The following TMEM117 variants were observed in gnomAD, a reference collection of about 807,000 sequenced individuals.
TMEM117 encodes the protein transmembrane protein 117.
Under a neutral mutation model 52.4 loss-of-function variants are expected in TMEM117, and 27 were observed. The ratio of observed to expected loss-of-function variants is 0.51; its 90% confidence interval spans 0.38 to 0.71. TMEM117 has a LOEUF of 0.71. Ranked by LOEUF, TMEM117 falls within the 30% of genes least tolerant of loss-of-function variation. TMEM117 has a pLI of 0.00. For missense variants in TMEM117, 556 were observed against 630.5 expected, an observed-to-expected ratio of 0.88 and a Z score of 1.26; for synonymous variants, 215 against 206.3, an observed-to-expected ratio of 1.04 and a Z score of -0.36.
intron 5 of TMEM117, among the ~76,000 whole-genome samples, chr12:44,222,792 T>A (rs1949806004): frequency 6.6e-6 from 1 of 152,138 alleles, no homozygotes; most frequent in African/African-American, 2.4e-5. Context: ...CAAGGAATAA[T>A]GTATTGGCTT....
At chr12:44,276,506 T>A (rs1395425485) in intron 5 of TMEM117, among the ~76,000 whole-genome samples, 3 of 151,984 alleles carry the variant, frequency 2.0e-5, no homozygotes, top group African/African-American at 7.3e-5. Flanking sequence ...ACTGGGGAGA[T>A]GTTGGTCAAA....
chr12:44,070,141 T>G (rs1947279943), intron 3 of TMEM117, among the ~76,000 whole-genome samples: 2 of 152,214 alleles, frequency 1.3e-5, no homozygotes, highest in South Asian at 4.1e-4. Flanking sequence ...TCCACCTACC[T>G]TGGCCTCCCA....
intron 3 of TMEM117, chr12:44,009,077 G>C (rs1946248367): frequency 2.7e-6 from 1 of 365,714 alleles, no homozygotes; most frequent in African/African-American, 2.2e-5. Context: ...CTCCTGTGTG[G>C]TGTTTCCCAT....
At chr12:44,049,198 A>C (rs1312737328) in intron 3 of TMEM117, among the ~76,000 whole-genome samples, 1 of 152,224 alleles carries the variant, frequency 6.6e-6, no homozygotes, top group African/African-American at 2.4e-5. Context: ...GATAAAGCAA[A>C]TATGGTACAT....
At chr12:44,348,139 A>C (rs1285042048) in intron 6 of TMEM117, among the ~76,000 whole-genome samples, 1 of 152,050 alleles carries the variant, frequency 6.6e-6, no homozygotes, top group Non-Finnish European at 1.5e-5. Context: ...AGCTCAACAT[A>C]AAGTAGGAAC....
Position 44,097,885 on chromosome 12 carries a change from A to C in TMEM117, c.411-45640A>C, listed in dbSNP as rs542625442. ...AATAATAAAATAAAATAAAATAAAA[A>C]TACAGTAATCTGGAATAGGTCAAAA... On this transcript the variant is annotated intron_variant, in intron 3 of 7. Coordinates refer to ENST00000266534, the MANE Select transcript of TMEM117 (RefSeq NM_032256.3). Among the ~76,000 whole-genome samples, 3 of 152,132 alleles carry C rather than the reference A, an allele frequency of 2.0e-5. No individual in the cohort carries two copies. In the South Asian group the frequency reaches 6.2e-4, roughly 32 times the overall value.
At chr12:44,195,957 T>C (rs1949414939) in intron 4 of TMEM117, among the ~76,000 whole-genome samples, 1 of 151,714 alleles carries the variant, frequency 6.6e-6, no homozygotes, top group Admixed American at 6.6e-5. Context: ...TGGTGACACA[T>C]ACTTTGTAGT....
At chr12:44,044,097 C>A (rs112279758) in intron 3 of TMEM117, among the ~76,000 whole-genome samples, 1 of 152,196 alleles carries the variant, frequency 6.6e-6, no homozygotes, top group Non-Finnish European at 1.5e-5. Context: ...TCACTTTAAA[C>A]GTACTCATCC....
At chr12:44,292,727 C>T (rs1950720114) in intron 5 of TMEM117, among the ~76,000 whole-genome samples, 1 of 151,874 alleles carries the variant, frequency 6.6e-6, no homozygotes, top group Non-Finnish European at 1.5e-5. Context: ...ATTGGTTGTT[C>T]AGGTAGCATG....
chr12:44,270,447 A>T (rs1043505714), intron 5 of TMEM117, among the ~76,000 whole-genome samples: 4 of 152,146 alleles, frequency 2.6e-5, no homozygotes, highest in Admixed American at 2.6e-4. Flanking sequence ...AGAGCTACTG[A>T]TTTGTGTGCA....
chr12:44,226,320 A>T (rs1373466576), intron 5 of TMEM117, among the ~76,000 whole-genome samples: 2 of 152,176 alleles, frequency 1.3e-5, no homozygotes, highest in African/African-American at 4.8e-5. Flanking sequence ...TCACTGGGGC[A>T]GAGATAAAGG....
At chr12:43,988,567 A>G (rs534828850) in intron 3 of TMEM117, among the ~76,000 whole-genome samples, 18 of 152,210 alleles carry the variant, frequency 1.2e-4, no homozygotes, top group Non-Finnish European at 2.2e-4. Flanking sequence ...GGAAAATTCT[A>G]CAAAGAACAG....
the TMEM117 span, chr12:43,805,834 G>A: frequency 7.2e-7 from 1 of 1,391,872 alleles, no homozygotes; most frequent in Non-Finnish European, 9.5e-7. Context: ...AACTCGCCTG[G>A]TTCTCGACAG....
intron 7 of TMEM117, among the ~76,000 whole-genome samples, chr12:44,387,538 T>A (rs1952105749): frequency 6.6e-6 from 1 of 152,116 alleles, no homozygotes; most frequent in Admixed American, 6.6e-5. Context: ...ACAGGTCACC[T>A]ACAAACAGCA....
chr12:43,875,157 G>A (rs990669943), intron 2 of TMEM117, among the ~76,000 whole-genome samples: 26 of 152,084 alleles, frequency 1.7e-4, no homozygotes, highest in Non-Finnish European at 8.8e-5. Flanking sequence ...AATACAAACA[G>A]CTTCTTTACA....
At chr12:44,179,118 C>T (rs769992726) in intron 4 of TMEM117, among the ~76,000 whole-genome samples, 4 of 151,944 alleles carry the variant, frequency 2.6e-5, no homozygotes, top group Admixed American at 2.0e-4. Context: ...CACTTGAACC[C>T]GGGAGGTGGA....
intron 6 of TMEM117, among the ~76,000 whole-genome samples, chr12:44,335,631 T>A (rs1951331175): frequency 6.6e-6 from 1 of 152,094 alleles, no homozygotes; most frequent in Admixed American, 6.6e-5. Context: ...AACTATGTAG[T>A]CCTGATTTTC....
At chr12:44,246,749 C>T (rs1430703967) in intron 5 of TMEM117, among the ~76,000 whole-genome samples, 1 of 152,164 alleles carries the variant, frequency 6.6e-6, no homozygotes, top group Non-Finnish European at 1.5e-5. Context: ...ATGCCTGGAA[C>T]CTCTCCAAAC....
chr12:43,871,002 C>T (rs1205289474), intron 2 of TMEM117, among the ~76,000 whole-genome samples: 1 of 152,002 alleles, frequency 6.6e-6, no homozygotes, highest in Non-Finnish European at 1.5e-5. Flanking sequence ...CCAGGCTGGT[C>T]TCGAACTCCT....
Sources: gnomAD v4.1 joint callset for allele counts (sites outside exome capture counted in the v4.1 genomes callset) on GRCh38, gnomAD v4.1.1 for gene constraint, MANE v1.5 for transcripts, NCBI Gene and HGNC (gene_info 2026-07-23, HGNC 2026-07-21) for gene names.